Variants in PACRG observed in about 807,000 individuals in gnomAD.
The protein encoded by PACRG is parkin coregulated.
PACRG carries 29 observed loss-of-function variants against 29.7 expected under a neutral mutation model. That is an observed-to-expected ratio of 0.98 (90% CI 0.73 to 1.33). The LOEUF is 1.33. PACRG is among the 40% of genes most tolerant of loss of function. PACRG has a pLI of 0.00. For synonymous variants in PACRG, 116 were observed against 118.7 expected (o/e 0.98, Z 0.15); for missense variants, 279 against 316.2 (o/e 0.88, Z 0.89).
chr6:162,781,347 A>C (rs1324695263), intron 1 of PACRG, among the ~76,000 whole-genome samples: 1 of 152,014 alleles, frequency 6.6e-6, no homozygotes, highest in Non-Finnish European at 1.5e-5. Flanking sequence ...ACAAATTCTC[A>C]CCAGCAGGCA....
intron 4 of PACRG, among the ~76,000 whole-genome samples, chr6:163,203,535 C>T (rs1032799159): frequency 6.6e-6 from 1 of 152,214 alleles, no homozygotes; most frequent in South Asian, 2.1e-4. Flanking sequence ...TTGTTTGCCT[C>T]GGGTTTTGGG....
intron 4 of PACRG, among the ~76,000 whole-genome samples, chr6:163,119,004 A>G (rs1816142716): frequency 6.6e-6 from 1 of 152,198 alleles, no homozygotes; most frequent in Non-Finnish European, 1.5e-5. Context: ...GGTCTAGGTC[A>G]CATTCTAAGA....
At chr6:163,284,015 A>C (rs569415135) in intron 4 of PACRG, among the ~76,000 whole-genome samples, 41 of 152,194 alleles carry the variant, frequency 2.7e-4, no homozygotes, top group Admixed American at 5.9e-4. Context: ...TGGGAGACTG[A>C]GGCAGGAGAA....
At chr6:162,766,891 C>T (rs932794627) in intron 1 of PACRG, among the ~76,000 whole-genome samples, 13 of 152,016 alleles carry the variant, frequency 8.6e-5, no homozygotes, top group Non-Finnish European at 5.9e-5. Flanking sequence ...TACTGATTCT[C>T]ACACTTTTTT....
chr6:163,258,186 A>G (rs761553747), intron 4 of PACRG, among the ~76,000 whole-genome samples: 4 of 152,206 alleles, frequency 2.6e-5, no homozygotes, highest in African/African-American at 9.6e-5. Flanking sequence ...ATCATGGTAG[A>G]AAAAGTAGAA....
Position 163,295,839 on chromosome 6 carries a change from C to T in PACRG, c.614-18988C>T, listed in dbSNP as rs192740627. 1.3e-3 allele frequency among the ~76,000 whole-genome samples: 192 copies of T among 152,274 alleles called. 1 individual carries two copies. Among genetic ancestry groups the T allele is most frequent in the Non-Finnish European group, 1.6e-3 (106 of 68,018 alleles). On this transcript the variant is annotated intron_variant, in intron 4 of 4. Coordinates refer to ENST00000366888, the MANE Select transcript of PACRG (RefSeq NM_001080379.2). Reference sequence around the variant, plus strand: ...CATCTTCTTCAGCATCATGGCCAACCTCATAGAATTAAGGATTAAATGAAG... The same window carrying T: ...CATCTTCTTCAGCATCATGGCCAACTTCATAGAATTAAGGATTAAATGAAG...
chr6:163,128,755 GAT>G (rs1050617742), intron 4 of PACRG, among the ~76,000 whole-genome samples: 2 of 152,142 alleles, frequency 1.3e-5, no homozygotes, highest in Non-Finnish European at 2.9e-5. Context: ...ACCCAAAATT[GAT>G]AGCTAATGGG....
At chr6:163,086,552 A>G (rs1399847738) in intron 3 of PACRG, among the ~76,000 whole-genome samples, 3 of 152,130 alleles carry the variant, frequency 2.0e-5, no homozygotes, top group African/African-American at 7.2e-5. Flanking sequence ...AAACTAAACA[A>G]GAACAGAGTC....
At chr6:162,791,123 T>G (rs1195196836) in intron 1 of PACRG, among the ~76,000 whole-genome samples, 1 of 152,188 alleles carries the variant, frequency 6.6e-6, no homozygotes. Context: ...TGCTTATAGT[T>G]TCACACAACT....
intron 2 of PACRG, among the ~76,000 whole-genome samples, chr6:162,945,121 A>G (rs1242265490): frequency 6.6e-6 from 1 of 152,142 alleles, no homozygotes; most frequent in Non-Finnish European, 1.5e-5. Flanking sequence ...AACAAGCAGA[A>G]ATCAATTAAT....
intron 1 of PACRG, among the ~76,000 whole-genome samples, chr6:162,798,510 A>G (rs1417970526): frequency 2.0e-5 from 3 of 151,888 alleles, no homozygotes; most frequent in African/African-American, 7.3e-5. Flanking sequence ...TTTTCTCCTA[A>G]TTTTACAGCA....
chr6:163,147,740 C>A (rs1038638430), intron 4 of PACRG, among the ~76,000 whole-genome samples: 1 of 152,116 alleles, frequency 6.6e-6, no homozygotes, highest in South Asian at 2.1e-4. Flanking sequence ...GAGTTTTGTT[C>A]GCCTAGACCT....
intron 4 of PACRG, among the ~76,000 whole-genome samples, chr6:163,239,812 TCCCACC>T (rs1438693251): frequency 1.4e-5 from 1 of 71,812 alleles, no homozygotes; most frequent in African/African-American, 5.5e-5. Flanking sequence ...ACACTCCCAC[TCCCACC>T]CCTACTTCTA....
At position 162,747,367 on chromosome 6, in the gene PACRG, CATACA is replaced by C. The variant is rs1781109466; in HGVS notation, c.156+18977_156+18981del. On this transcript the variant is annotated intron_variant, in intron 1 of 4. Transcript: ENST00000366888. ...ATATATATATATATATATATATACA[CATACA>C]TATATATGTATATATATGTATATAT... 6.3e-4 allele frequency among the ~76,000 whole-genome samples: 30 copies of C among 47,870 alleles called. 3 individuals are homozygous for C. Among genetic ancestry groups the C allele is most frequent in the Admixed American group, 2.6e-3 (8 of 3,122 alleles). 31.4% of individuals were successfully genotyped at this position (47,870 alleles called of 152,430 possible).
At chr6:163,237,340 T>C (rs934388430) in intron 4 of PACRG, among the ~76,000 whole-genome samples, 1 of 152,210 alleles carries the variant, frequency 6.6e-6, no homozygotes, top group Non-Finnish European at 1.5e-5. Flanking sequence ...CATCCTAATT[T>C]GCAGTAATTT....
chr6:163,150,519 A>T (rs1562940256), intron 4 of PACRG, among the ~76,000 whole-genome samples: 2 of 152,190 alleles, frequency 1.3e-5, no homozygotes, highest in Admixed American at 6.5e-5. Flanking sequence ...CTCTGTCAGG[A>T]ACATCTCCCT....
At chr6:162,766,045 C>T (rs1782764791) in intron 1 of PACRG, among the ~76,000 whole-genome samples, 1 of 152,142 alleles carries the variant, frequency 6.6e-6, no homozygotes, top group African/African-American at 2.4e-5. Flanking sequence ...ATATCTGTCA[C>T]TCAACTATTT....
At position 162,728,049 on chromosome 6, in the gene PACRG, C is replaced by A; in HGVS notation, c.-187C>A. 1 of 730,822 alleles carries A rather than the reference C, an allele frequency of 1.4e-6. No homozygotes were observed. Among genetic ancestry groups the A allele is most frequent in the Admixed American group, 2.4e-5 (1 of 42,452 alleles). 45.3% of individuals were successfully genotyped at this position (730,822 alleles called of 1,614,324 possible). A position where few individuals can be genotyped will look rare whatever the true frequency, so the allele number is the denominator to read the frequency against. ...AGGTCCTGCCCTCTTCCCGCCCCGC[C>A]CCTAGGGTCCAGCTCCCTTCACCTA... is the stretch of plus-strand genomic sequence containing the variant. On this transcript the variant is annotated 5_prime_UTR_variant, in exon 1 of 5. Coordinates refer to ENST00000366888, the MANE Select transcript of PACRG (RefSeq NM_001080379.2).
At chr6:162,892,924 G>A (rs957904044) in intron 2 of PACRG, among the ~76,000 whole-genome samples, 5 of 149,516 alleles carry the variant, frequency 3.3e-5, no homozygotes, top group South Asian at 2.1e-4. Context: ...TCAGCCTCAG[G>A]AGCCTCGGCC....
Sources: gnomAD v4.1 joint callset for allele counts (sites outside exome capture counted in the v4.1 genomes callset) on GRCh38, gnomAD v4.1.1 for gene constraint, MANE v1.5 for transcripts, NCBI Gene and HGNC (gene_info 2026-07-23, HGNC 2026-07-21) for gene names.